PIEZO2: variants seen among roughly 807,000 people sequenced by gnomAD.
PIEZO2 encodes piezo type mechanosensitive ion channel component 2.
Under a neutral mutation model 337.3 loss-of-function variants are expected in PIEZO2, and 172 were observed. That is an observed-to-expected ratio of 0.51 (90% CI 0.45 to 0.58). The LOEUF is 0.58. PIEZO2 is among the 20% of genes least tolerant of loss of function. The probability of loss-of-function intolerance (pLI) is 0.00; values close to 1 mark genes in which losing one functional copy is unlikely to be tolerated. For synonymous variants in PIEZO2, 1,251 were observed against 1,228.5 expected (o/e 1.02, Z -0.38); for missense variants, 3,028 against 3,391.3 (o/e 0.89, Z 2.66).
At chr18:11,005,183 A>G (rs1016864616) in intron 2 of PIEZO2, among the ~76,000 whole-genome samples, 3 of 152,220 alleles carry the variant, frequency 2.0e-5, no homozygotes, top group Admixed American at 2.0e-4. Context: ...TAGGCTATTG[A>G]GTCCATTCCC....
At position 10,736,588 on chromosome 18, in the gene PIEZO2, T is replaced by C. The variant is rs776501275; in HGVS notation, c.4815+16A>G. ...GCTCTTCCAACTAGCAAAGAAATGA[T>C]TTTCCCCATAATTACCTGGAATGCT... On this transcript the variant is annotated intron_variant, in intron 34 of 55. Coordinates refer to ENST00000674853, the MANE Select transcript of PIEZO2 (RefSeq NM_001378183.1). 8 of 1,536,762 alleles carry C rather than the reference T, an allele frequency of 5.2e-6. No individual in the cohort carries two copies. Among genetic ancestry groups the C allele is most frequent in the Non-Finnish European group, 7.0e-6 (8 of 1,146,750 alleles).
At chr18:10,917,629 T>C (rs1207424637) in intron 3 of PIEZO2, among the ~76,000 whole-genome samples, 1 of 152,156 alleles carries the variant, frequency 6.6e-6, no homozygotes, top group Admixed American at 6.5e-5. Flanking sequence ...CAACAGTTTT[T>C]CATGAAGCAT....
chr18:10,786,559 G>A (rs2039231438), intron 16 of PIEZO2, among the ~76,000 whole-genome samples: 1 of 152,328 alleles, frequency 6.6e-6, no homozygotes, highest in African/African-American at 2.4e-5. Context: ...GAAGGATAGA[G>A]CACTATCTCC....
intron 7 of PIEZO2, among the ~76,000 whole-genome samples, chr18:10,827,167 T>C (rs1028194337): frequency 2.0e-5 from 3 of 152,192 alleles, no homozygotes; most frequent in African/African-American, 7.2e-5. Flanking sequence ...GAATTACAGA[T>C]ACGAACAAGT....
chr18:10,756,538 T>A (rs1396811358), intron 27 of PIEZO2, among the ~76,000 whole-genome samples: 7 of 129,156 alleles, frequency 5.4e-5, no homozygotes, highest in Non-Finnish European at 1.1e-4. Context: ...TGAGGATGAG[T>A]AGGAGAAATG....
At chr18:10,981,576 A>T (rs944712107) in intron 2 of PIEZO2, among the ~76,000 whole-genome samples, 3 of 152,216 alleles carry the variant, frequency 2.0e-5, no homozygotes, top group African/African-American at 7.2e-5. Flanking sequence ...GAATCTCTTT[A>T]ACCTAGTGTG....
At chr18:10,950,961 A>G (rs1393209866) in intron 3 of PIEZO2, among the ~76,000 whole-genome samples, 1 of 152,208 alleles carries the variant, frequency 6.6e-6, no homozygotes, top group Non-Finnish European at 1.5e-5. Context: ...GTGAAAGTCG[A>G]TCATACAAAT....
At chr18:10,967,696 T>C (rs918105515) in intron 3 of PIEZO2, among the ~76,000 whole-genome samples, 14 of 152,344 alleles carry the variant, frequency 9.2e-5, no homozygotes, top group African/African-American at 2.9e-4. Flanking sequence ...TAATTAGCCA[T>C]GTTGAGCGTT....
chr18:10,715,047 A>C (rs1179756436), intron 38 of PIEZO2, 117 bp from the exon 39 acceptor site: 1 of 1,039,474 alleles, frequency 9.6e-7, no homozygotes, highest in Admixed American at 2.7e-5. Context: ...AAGGATTAGG[A>C]CCATGCTAGG....
In PIEZO2 at chr18:10,807,172, G is replaced by A. The variant is rs1473647905; in HGVS notation, c.1020C>T (p.Leu340=). ...CCAGAGTGTAGTACATCACCAGCAG[G>A]AGGATAGGGTTGGCGTGGTGGTACC... The part of the protein sequence containing the change: ...LSWYHHANPI[L]LLVMYYTLAT... The change falls in exon 8 of 56, where the codon CTC becomes CTT. Residue 340 remains leucine (L), a synonymous_variant. Transcript: ENST00000674853. The A allele has an allele frequency of 8.5e-6, 13 of 1,537,164 alleles. No homozygotes were observed. In the East Asian group the frequency reaches 2.0e-4, roughly 23 times the overall value.
At chr18:10,809,260 C>CTCTTTTTTTTT (rs1173120936) in intron 7 of PIEZO2, among the ~76,000 whole-genome samples, 2 of 65,804 alleles carry the variant, frequency 3.0e-5, no homozygotes, top group African/African-American at 1.2e-4. Context: ...CTCTCTCTCT[C>CTCTTTTTTTTT]TTTTTTTTTT....
rs2038736499 is a variant in PIEZO2, at chr18:10,775,011, T to TA, written c.2535-974dup. 6.6e-6 allele frequency among the ~76,000 whole-genome samples: 1 copy of TA among 152,236 alleles called. No homozygotes were observed. The highest frequency in any genetic ancestry group is 2.4e-5 in the African/African-American group (1 of 41,470). On this transcript the variant is annotated intron_variant, in intron 18 of 55. Coordinates refer to ENST00000674853, the MANE Select transcript of PIEZO2 (RefSeq NM_001378183.1). This position sits in a 1 kb window ranked among gnomAD's most constrained non-coding sequence, Gnocchi z 4.3. ...TTGTAAACATGCCTATCATTTTGGG[T>TA]AACTGTCGTAAGGAATCCACATTGT...
In PIEZO2 at chr18:11,104,316, G is replaced by A. The variant is rs2039499559; in HGVS notation, c.65-38094C>T. On this transcript the variant is annotated intron_variant, in intron 1 of 55. Transcript: ENST00000674853. This position sits in a 1 kb window ranked among gnomAD's most constrained non-coding sequence, Gnocchi z 4.6. The stretch of plus-strand genomic sequence containing the variant: ...GGAAGAATCCTATGCAGAAAGCTAT[G>A]CTGTTAGCCCTAGCCACCCCACCTC... 6.6e-6 allele frequency among the ~76,000 whole-genome samples: 1 copy of A among 152,194 alleles called. No homozygotes were observed. Among genetic ancestry groups the A allele is most frequent in the Admixed American group, 6.5e-5 (1 of 15,270 alleles).
intron 7 of PIEZO2, among the ~76,000 whole-genome samples, chr18:10,811,788 A>T (rs1349258360): frequency 6.6e-6 from 1 of 152,274 alleles, no homozygotes; most frequent in Non-Finnish European, 1.5e-5. Context: ...ATGAAGCAAT[A>T]AATGAATGTA....
At chr18:11,139,465 C>T (rs552290545) in intron 1 of PIEZO2, among the ~76,000 whole-genome samples, 80 of 152,172 alleles carry the variant, frequency 5.3e-4, no homozygotes, top group Non-Finnish European at 8.5e-4. Context: ...CCCCTAATTG[C>T]CCAGTGATAT....
intron 9 of PIEZO2, among the ~76,000 whole-genome samples, chr18:10,803,202 C>G (rs377625194): frequency 6.6e-6 from 1 of 152,110 alleles, no homozygotes; most frequent in Non-Finnish European, 1.5e-5. Context: ...GTTGGTGAGT[C>G]GGAAACTGCT....
intron 15 of PIEZO2, among the ~76,000 whole-genome samples, chr18:10,787,549 A>G (rs898865843): frequency 2.0e-5 from 3 of 152,220 alleles, no homozygotes; most frequent in Admixed American, 6.5e-5. Context: ...TGTGGTTATC[A>G]TTGCTCAGAG....
chr18:10,876,531 C>G (rs543487659), intron 4 of PIEZO2, among the ~76,000 whole-genome samples: 27 of 152,242 alleles, frequency 1.8e-4, no homozygotes, highest in African/African-American at 6.3e-4. Context: ...TTTAATAAGT[C>G]TTTAATAATT....
rs576161548 is a variant in PIEZO2, at chr18:10,877,085, C to T, written c.330-5670G>A. On this transcript the variant is annotated intron_variant, in intron 4 of 55. Coordinates refer to ENST00000674853, the MANE Select transcript of PIEZO2 (RefSeq NM_001378183.1). The surrounding 1 kb of genome is among the most constrained non-coding windows in gnomAD (Gnocchi z 5.3). ...GGGAAGCCCCACTAAGAAATTCTGACTTGTATTGTAGCCACCAGACTCTTC... is the reference window on the plus strand; with the variant it reads ...GGGAAGCCCCACTAAGAAATTCTGATTTGTATTGTAGCCACCAGACTCTTC... Among the ~76,000 whole-genome samples the T allele has an allele frequency of 6.6e-6, 1 of 152,328 alleles. No homozygotes were observed. The highest frequency in any genetic ancestry group is 1.9e-4 in the East Asian group (1 of 5,188).
Sources: gnomAD v4.1 joint callset for allele counts (sites outside exome capture counted in the v4.1 genomes callset) on GRCh38, gnomAD v4.1.1 for gene constraint, Gnocchi (gnomAD v3.1) non-coding constraint, MANE v1.5 for transcripts, NCBI Gene and HGNC (gene_info 2026-07-23, HGNC 2026-07-21) for gene names.